ARPC1A: variants seen among roughly 807,000 people sequenced by gnomAD.
ARPC1A encodes actin related protein 2/3 complex subunit 1A.
A neutral mutation model predicts 46.9 loss-of-function variants in ARPC1A; 8 were observed. The ratio of observed to expected loss-of-function variants is 0.17; its 90% CI spans 0.10 to 0.31. ARPC1A has a LOEUF of 0.31. Among genes scored for constraint, ARPC1A ranks in the 10% least tolerant of loss-of-function variants. ARPC1A has a pLI of 1.00. For missense variants in ARPC1A, 286 were observed against 483.6 expected (o/e 0.59, Z 3.83); for synonymous variants, 152 against 169.0 (o/e 0.90, Z 0.78).
chr7:99,359,513 A>G, intron 7 of ARPC1A, 32 bp from the exon 8 acceptor site: 1 of 1,611,266 alleles, frequency 6.2e-7, no homozygotes, highest in Non-Finnish European at 8.5e-7. Context: ...TGGGCAGTGC[A>G]TCCTCCAGGG....
intron 3 of ARPC1A, among the ~76,000 whole-genome samples, chr7:99,342,611 A>T (rs1793373201): frequency 6.6e-6 from 1 of 151,854 alleles, no homozygotes; most frequent in Non-Finnish European, 1.5e-5. Context: ...TAAAATAAAC[A>T]TCACTTAGAA....
In ARPC1A at chr7:99,366,227, G is replaced by T. The variant is rs1443176825; in HGVS notation, c.*298G>T. ...ACAGGGTGAGGGAGATATGTAAATT[G>T]TCCACTAGAAAATTAAATAAAAGAA... On this transcript the variant is annotated 3_prime_UTR_variant, in exon 10 of 10. Transcript: ENST00000262942. 1 of 309,130 alleles carries T rather than the reference G, an allele frequency of 3.2e-6. No individual in the cohort carries two copies. The highest frequency in any genetic ancestry group is 5.0e-5 in the Admixed American group (1 of 19,898). 19.1% of individuals were successfully genotyped at this position (309,130 alleles called of 1,614,324 possible).
chr7:99,364,032 G>A (rs911834119), intron 9 of ARPC1A, among the ~76,000 whole-genome samples: 14 of 151,976 alleles, frequency 9.2e-5, no homozygotes, highest in African/African-American at 3.1e-4. Flanking sequence ...TTGGCTCACT[G>A]CAACCTCCGC....
chr7:99,328,272 G>A (rs1438608777), intron 1 of ARPC1A, among the ~76,000 whole-genome samples: 4 of 152,156 alleles, frequency 2.6e-5, no homozygotes, highest in Admixed American at 2.6e-4. Context: ...AGGAGGCTGA[G>A]GCTGGAGAAT....
chr7:99,354,520 C>CAAA (rs149604532), intron 6 of ARPC1A, among the ~76,000 whole-genome samples: 20 of 55,620 alleles, frequency 3.6e-4, no homozygotes, highest in East Asian at 1.4e-3. Flanking sequence ...GACTCCGTCT[C>CAAA]AAAAAAAAAA....
At chr7:99,363,510 C>T (rs1171851697) in intron 8 of ARPC1A, 33 bp from the exon 9 acceptor site, 5 of 1,510,074 alleles carry the variant, frequency 3.3e-6, no homozygotes, top group Admixed American at 3.4e-5. Flanking sequence ...CCACTACATA[C>T]CTTACGATCT....
intron 9 of ARPC1A, among the ~76,000 whole-genome samples, chr7:99,365,154 A>G (rs1375263052): frequency 6.6e-6 from 1 of 152,110 alleles, no homozygotes; most frequent in African/African-American, 2.4e-5. Context: ...GGAGCTAGAA[A>G]AAAGAGCTCT....
chr7:99,328,092 CA>C (rs1172199213), intron 1 of ARPC1A, among the ~76,000 whole-genome samples: 1 of 152,162 alleles, frequency 6.6e-6, no homozygotes, highest in Non-Finnish European at 1.5e-5. Flanking sequence ...TTGAGTTGGC[CA>C]GGTGCAGTGG....
At chr7:99,335,760 CT>C (rs1190410219) in intron 2 of ARPC1A, among the ~76,000 whole-genome samples, 2 of 152,082 alleles carry the variant, frequency 1.3e-5, no homozygotes, top group African/African-American at 2.4e-5. Context: ...CAAGACCATC[CT>C]GACTAACACA....
chr7:99,358,977 G>A (rs1425370748), intron 7 of ARPC1A, among the ~76,000 whole-genome samples: 3 of 151,834 alleles, frequency 2.0e-5, no homozygotes, highest in Non-Finnish European at 2.9e-5. Flanking sequence ...GACTACAGGC[G>A]CCCGCCACCT....
At chr7:99,339,902 G>T in intron 3 of ARPC1A, 1 of 440,624 alleles carries the variant, frequency 2.3e-6, no homozygotes, top group Non-Finnish European at 4.7e-6. Flanking sequence ...TCATCAGATT[G>T]CCATCATTCC....
At chr7:99,353,857 A>T in intron 5 of ARPC1A, 52 bp from the exon 6 acceptor site, 1 of 1,555,044 alleles carries the variant, frequency 6.4e-7, no homozygotes, top group South Asian at 1.1e-5. Context: ...GCCTGTTTCT[A>T]TATACATATA....
Position 99,363,576 on chromosome 7 carries a change from T to C in ARPC1A, c.1017T>C (p.Asp339=). The C allele has an allele frequency of 6.2e-7, 1 of 1,613,570 alleles. No homozygotes were observed. Among genetic ancestry groups the C allele is most frequent in the Non-Finnish European group, 8.5e-7 (1 of 1,179,916 alleles). ...CTATTTATGAGGTGGACAAGCAAGA[T>C]TGTCGCAAATTTTGCACTACTGGCA... ...QVSIYEVDKQ[D]CRKFCTTGID... is the part of the protein sequence containing the mutation. Residue 339 remains aspartate (D), a synonymous_variant, in exon 9 of 10, where the codon GAT becomes GAC. Transcript: ENST00000262942.
chr7:99,340,716 G>A (rs1793344974), intron 3 of ARPC1A, among the ~76,000 whole-genome samples: 1 of 152,182 alleles, frequency 6.6e-6, no homozygotes, highest in Non-Finnish European at 1.5e-5. Flanking sequence ...GATAAGCTTA[G>A]AGATATCCTT....
At chr7:99,358,981 G>A (rs913856538) in intron 7 of ARPC1A, among the ~76,000 whole-genome samples, 3 of 151,934 alleles carry the variant, frequency 2.0e-5, no homozygotes, top group Non-Finnish European at 2.9e-5. Context: ...ACAGGCGCCC[G>A]CCACCTCGCC....
chr7:99,358,984 A>G (rs976836162), intron 7 of ARPC1A, among the ~76,000 whole-genome samples: 3 of 150,758 alleles, frequency 2.0e-5, no homozygotes, highest in Non-Finnish European at 4.4e-5. Flanking sequence ...GGCGCCCGCC[A>G]CCTCGCCGGG....
chr7:99,362,319 T>A (rs1793757803), intron 8 of ARPC1A, among the ~76,000 whole-genome samples: 1 of 146,490 alleles, frequency 6.8e-6, no homozygotes, highest in African/African-American at 2.5e-5. Context: ...AAAATAAAAA[T>A]GTAAAACCCC....
chr7:99,348,758 G>C, intron 4 of ARPC1A, 94 bp from the exon 5 acceptor site: 1 of 762,100 alleles, frequency 1.3e-6, no homozygotes. Flanking sequence ...GGAAAAGTGT[G>C]GCCTACTTAG....
chr7:99,344,915 A>ATTTTTTTTT (rs1312941959), intron 4 of ARPC1A, among the ~76,000 whole-genome samples: 1 of 109,358 alleles, frequency 9.1e-6, no homozygotes, highest in African/African-American at 4.8e-5. Context: ...ACAGATAACA[A>ATTTTTTTTT]TGTTCTTTTT....
Sources: gnomAD v4.1 joint callset for allele counts (sites outside exome capture counted in the v4.1 genomes callset) on GRCh38, gnomAD v4.1.1 for gene constraint, MANE v1.5 for transcripts, NCBI Gene and HGNC (gene_info 2026-07-23, HGNC 2026-07-21) for gene names.